Variants in FAM135A observed in about 807,000 individuals in gnomAD.
The protein encoded by FAM135A is family with sequence similarity 135 member A, also known as protein FAM135A.
FAM135A carries 79 observed loss-of-function variants against 146.8 expected under a neutral mutation model. The ratio of observed to expected loss-of-function variants is 0.54; its 90% CI spans 0.45 to 0.65. The LOEUF is 0.65. FAM135A is among the 30% of genes least tolerant of loss of function. FAM135A has a pLI of 0.00. For missense variants in FAM135A, 1,623 were observed against 1,758.2 expected (o/e 0.92, Z 1.38); for synonymous variants, 562 against 603.6 (o/e 0.93, Z 1.01).
intron 8 of FAM135A, 29 bp from the exon 9 acceptor site, chr6:70,480,872 C>T: frequency 6.3e-7 from 1 of 1,590,228 alleles, no homozygotes; most frequent in East Asian, 2.3e-5. Flanking sequence ...ACTCGTATGA[C>T]AATAATAATG....
At chr6:70,505,971 A>G (rs1362845354) in intron 12 of FAM135A, among the ~76,000 whole-genome samples, 2 of 152,220 alleles carry the variant, frequency 1.3e-5, no homozygotes, top group African/African-American at 2.4e-5. Flanking sequence ...ATAAAATAGC[A>G]TAATCACTGT....
Position 70,559,939 on chromosome 6 carries a change from C to A in FAM135A, c.*18C>A. On this transcript the variant is annotated 3_prime_UTR_variant, in exon 22 of 22. Transcript: ENST00000418814. ...TCCAATAGTATAAAAGCATTGTTAG[C>A]GACTGGACAATTACCTCATTCAACA... 1 of 1,572,176 alleles carries A rather than the reference C, an allele frequency of 6.4e-7. No homozygotes were observed. Among genetic ancestry groups the A allele is most frequent in the Non-Finnish European group, 8.7e-7 (1 of 1,146,420 alleles).
At chr6:70,515,733 A>T (rs895538789) in intron 12 of FAM135A, among the ~76,000 whole-genome samples, 5 of 152,140 alleles carry the variant, frequency 3.3e-5, no homozygotes, top group African/African-American at 1.2e-4. Context: ...ACCAAGAGTG[A>T]ACCTTAATGT....
intron 12 of FAM135A, among the ~76,000 whole-genome samples, chr6:70,506,990 G>C (rs1040082723): frequency 6.6e-6 from 1 of 151,936 alleles, no homozygotes; most frequent in Non-Finnish European, 1.5e-5. Context: ...AGAGCAGCTG[G>C]TGAACACAAC....
At chr6:70,536,034 T>C (rs1796729837) in intron 18 of FAM135A, 1 of 384,452 alleles carries the variant, frequency 2.6e-6, no homozygotes, top group Admixed American at 4.5e-5. Context: ...CAGATTAATA[T>C]GTTGTTTCTA....
chr6:70,541,320 C>T (rs919939701), intron 20 of FAM135A, among the ~76,000 whole-genome samples: 2 of 152,156 alleles, frequency 1.3e-5, no homozygotes, highest in African/African-American at 4.8e-5. Flanking sequence ...ATTACTCCCC[C>T]CTTTTTTTCA....
chr6:70,515,114 C>T (rs1431392750), intron 12 of FAM135A, among the ~76,000 whole-genome samples: 1 of 152,194 alleles, frequency 6.6e-6, no homozygotes, highest in Non-Finnish European at 1.5e-5. Context: ...CTGACAACAG[C>T]AAATGTTGGT....
At chr6:70,413,928 G>A in intron 1 of FAM135A, 1 of 985,348 alleles carries the variant, frequency 1.0e-6, no homozygotes, top group Non-Finnish European at 1.2e-6. Flanking sequence ...GAGGGGCCGC[G>A]GCGCGCTGCT....
chr6:70,493,618 A>T (rs1388022872), intron 11 of FAM135A, among the ~76,000 whole-genome samples: 1 of 152,200 alleles, frequency 6.6e-6, no homozygotes, highest in East Asian at 1.9e-4. Context: ...CAGAAAAAAT[A>T]TCTCCTCTTA....
chr6:70,550,736 G>T (rs1176415655), intron 20 of FAM135A, among the ~76,000 whole-genome samples: 1 of 152,202 alleles, frequency 6.6e-6, no homozygotes, highest in Non-Finnish European at 1.5e-5. Flanking sequence ...GAGTCAGCTT[G>T]CCCTTTGAAG....
At chr6:70,481,062 AT>A (rs1783614244) in intron 9 of FAM135A, 35 bp downstream of exon 9, 1 of 1,502,914 alleles carries the variant, frequency 6.7e-7, no homozygotes, top group Non-Finnish European at 8.9e-7. Flanking sequence ...TCTTCTCCTT[AT>A]TTTAAAAGAA....
At chr6:70,445,719 TC>T (rs528765091) in intron 4 of FAM135A, among the ~76,000 whole-genome samples, 5 of 152,208 alleles carry the variant, frequency 3.3e-5, no homozygotes, top group African/African-American at 4.8e-5. Context: ...GGCCAGGTGT[TC>T]CTTGCCCTCA....
chr6:70,549,336 A>G (rs1389235628), intron 20 of FAM135A, among the ~76,000 whole-genome samples: 3 of 152,186 alleles, frequency 2.0e-5, no homozygotes, highest in Non-Finnish European at 2.9e-5. Flanking sequence ...TATTTATACA[A>G]ACATGAAAAG....
At chr6:70,472,357 GTA>G (rs1454731027) in intron 5 of FAM135A, among the ~76,000 whole-genome samples, 1 of 152,080 alleles carries the variant, frequency 6.6e-6, no homozygotes, top group Admixed American at 6.6e-5. Context: ...TTCCCTTTAA[GTA>G]TATGTTTCCC....
chr6:70,535,047 A>T (rs1273952368), intron 18 of FAM135A, among the ~76,000 whole-genome samples: 3 of 152,164 alleles, frequency 2.0e-5, no homozygotes, highest in Non-Finnish European at 4.4e-5. Flanking sequence ...ATAATATTTC[A>T]ACTTATTTAT....
At chr6:70,535,559 G>A (rs1403299497) in intron 18 of FAM135A, among the ~76,000 whole-genome samples, 1 of 152,128 alleles carries the variant, frequency 6.6e-6, no homozygotes, top group African/African-American at 2.4e-5. Flanking sequence ...TGAGAATCTA[G>A]TGCCTGAGTT....
At chr6:70,538,805 G>GTTATGTTATA (rs1797259775) in intron 20 of FAM135A, among the ~76,000 whole-genome samples, 1 of 112,856 alleles carries the variant, frequency 8.9e-6, no homozygotes, top group South Asian at 2.6e-4. Context: ...ATTATGTTAT[G>GTTATGTTATA]TTATATTATA....
intron 11 of FAM135A, among the ~76,000 whole-genome samples, chr6:70,492,938 A>G (rs1393247068): frequency 6.7e-6 from 1 of 148,202 alleles, no homozygotes; most frequent in East Asian, 1.9e-4. Flanking sequence ...TTTTTAAAAC[A>G]CTTATATATT....
intron 4 of FAM135A, among the ~76,000 whole-genome samples, chr6:70,437,169 A>G (rs187169966): frequency 3.8e-4 from 58 of 152,302 alleles, no homozygotes; most frequent in African/African-American, 1.3e-3. Flanking sequence ...CATAAGGATA[A>G]ACTTAACTTA....
Sources: gnomAD v4.1 joint callset for allele counts (sites outside exome capture counted in the v4.1 genomes callset) on GRCh38, gnomAD v4.1.1 for gene constraint, MANE v1.5 for transcripts, NCBI Gene and HGNC (gene_info 2026-07-23, HGNC 2026-07-21) for gene names.